The following ZNF10 variants were observed in gnomAD, a reference collection of about 807,000 sequenced individuals.
ZNF10 encodes the protein zinc finger protein 10, also known as zinc finger protein 10 (KOX 1).
In ZNF10, 8 loss-of-function variants were observed where a neutral mutation model predicts 12.2. The observed-to-expected ratio is 0.66, with a 90% CI of 0.39 to 1.18. ZNF10 has a LOEUF of 1.18. ZNF10 is among the 50% of genes most tolerant of loss of function. The pLI is 0.01. For synonymous variants in ZNF10, 229 were observed against 228.2 expected, an observed-to-expected ratio of 1.00 and a Z score of -0.03; for missense variants, 603 against 678.9, an observed-to-expected ratio of 0.89 and a Z score of 1.24.
rs745573862 is a variant in ZNF10, at chr12:133,156,121, C to T, written c.875C>T (p.Pro292Leu). The T allele has an allele frequency of 6.2e-7, 1 of 1,613,394 alleles. No individual in the cohort carries two copies. The highest frequency in any genetic ancestry group is 8.5e-7 in the Non-Finnish European group (1 of 1,180,022). Residue 292 changes from proline to leucine, a missense_variant, in exon 5 of 5, where the codon CCC becomes CTC. This residue lies in a region of ZNF10 where 393 missense variants were observed against 399.7 expected (regional missense o/e 0.98). Coordinates refer to ENST00000248211, the MANE Select transcript of ZNF10 (RefSeq NM_015394.5). ...CAGCTTATTCATACTGGAGAAAAAC[C>T]CTATGAGTGTAAAGAATGTGGAAAG... ...RHQLIHTGEK[P>L]YECKECGKSF...
intron 1 of ZNF10, among the ~76,000 whole-genome samples, chr12:133,132,268 A>AT (rs1396860241): frequency 2.8e-5 from 3 of 109,080 alleles, no homozygotes; most frequent in African/African-American, 4.1e-5. Context: ...AAAATCTGAG[A>AT]ATTTTTTTTT....
chr12:133,132,394 C>A (rs1422134893), intron 1 of ZNF10, among the ~76,000 whole-genome samples: 1 of 151,866 alleles, frequency 6.6e-6, no homozygotes, highest in Non-Finnish European at 1.5e-5. Flanking sequence ...CTCAACCTCC[C>A]TAGTAGCTGG....
intron 1 of ZNF10, among the ~76,000 whole-genome samples, chr12:133,132,724 G>A (rs577843492): frequency 1.3e-5 from 2 of 152,230 alleles, no homozygotes; most frequent in African/African-American, 2.4e-5. Context: ...TCTTTGACTC[G>A]TAATGAACAT....
At chr12:133,133,696 C>T (rs1426158757) in intron 1 of ZNF10, among the ~76,000 whole-genome samples, 1 of 152,096 alleles carries the variant, frequency 6.6e-6, no homozygotes, top group Non-Finnish European at 1.5e-5. Context: ...TGAAAAGGGT[C>T]CAGAACGTTG....
Position 133,156,141 on chromosome 12 carries a change from G to C in ZNF10, c.895G>C (p.Gly299Arg). Reference protein sequence around the residue: ...GEKPYECKECGKSFSRSSHLI... With the variant: ...GEKPYECKECRKSFSRSSHLI... ...AAAACCCTATGAGTGTAAAGAATGT[G>C]GAAAGTCTTTCAGCCGGAGTTCTCA... The change falls in exon 5 of 5, where the codon GGA becomes CGA. Residue 299 changes from glycine (G) to arginine (R), a missense_variant. Gly to Arg is a moderately radical substitution (Grantham distance 125). Transcript: ENST00000248211. The C allele has an allele frequency of 1.2e-6, 2 of 1,613,562 alleles. No homozygotes were observed. The highest frequency in any genetic ancestry group is 4.5e-5 in the East Asian group (2 of 44,880).
At position 133,156,001 on chromosome 12, in the gene ZNF10, C is replaced by T. The variant is rs1956038312; in HGVS notation, c.755C>T (p.Ser252Phe). ...GACAACTCTCTTACTCATGGTTCAT[C>T]TCTTGGTATATCAAAGGGCATACAT... ...DNDNSLTHGS[S>F]LGISKGIHRE... is the part of the protein sequence containing the mutation. The change falls in exon 5 of 5, where the codon TCT (serine) becomes TTT (phenylalanine). Residue 252 changes from serine to phenylalanine, a missense_variant. Transcript: ENST00000248211. 6.2e-7 allele frequency: 1 copy of T among 1,613,932 alleles called. No homozygotes were observed. Among genetic ancestry groups the T allele is most frequent in the East Asian group, 2.2e-5 (1 of 44,866 alleles).
rs1956058679 is a variant in ZNF10, at chr12:133,159,168, ATATTAC to A, written c.*2205_*2210del. The A allele has an allele frequency of 6.6e-6, 1 of 152,260 alleles. No homozygotes were observed. The highest frequency in any genetic ancestry group is 6.5e-5 in the Admixed American group (1 of 15,288). 9.4% of individuals were successfully genotyped at this position (152,260 alleles called of 1,614,324 possible). A position where few individuals can be genotyped will look rare whatever the true frequency, so the allele number is the denominator to read the frequency against. ...TGGCACATAGTAGGTGCCATTAATA[ATATTAC>A]TATTGTTAACACCTTAAGGGTCTAA... On this transcript the variant is annotated 3_prime_UTR_variant, in exon 5 of 5. Coordinates refer to ENST00000248211, the MANE Select transcript of ZNF10 (RefSeq NM_015394.5).
chr12:133,137,216 C>T (rs1380307180), intron 1 of ZNF10, among the ~76,000 whole-genome samples: 1 of 152,152 alleles, frequency 6.6e-6, no homozygotes, highest in Non-Finnish European at 1.5e-5. Context: ...TAGCCTACTA[C>T]CTGGTTTTTT....
chr12:133,153,918 T>G (rs1956023550), intron 4 of ZNF10, among the ~76,000 whole-genome samples: 1 of 152,148 alleles, frequency 6.6e-6, no homozygotes, highest in Admixed American at 6.5e-5. Context: ...ATCATTCCAG[T>G]CTTGGTCTCC....
intron 4 of ZNF10, among the ~76,000 whole-genome samples, chr12:133,152,567 C>T (rs1176299692): frequency 6.6e-6 from 1 of 152,116 alleles, no homozygotes; most frequent in Non-Finnish European, 1.5e-5. Context: ...AGGCATGCAC[C>T]ACCACGCCCA....
At chr12:133,154,608 G>A (rs992064868) in intron 4 of ZNF10, among the ~76,000 whole-genome samples, 4 of 152,124 alleles carry the variant, frequency 2.6e-5, no homozygotes, top group African/African-American at 9.7e-5. Flanking sequence ...ACCACTAGTC[G>A]TAATATAAAA....
intron 4 of ZNF10, among the ~76,000 whole-genome samples, chr12:133,154,118 G>C (rs1253920377): frequency 4.0e-5 from 6 of 150,528 alleles, no homozygotes; most frequent in Admixed American, 3.3e-4. Context: ...CTTTTTGTCG[G>C]CGGGGGGGAT....
intron 1 of ZNF10, among the ~76,000 whole-genome samples, chr12:133,142,145 G>A (rs530679217): frequency 8.5e-5 from 13 of 152,250 alleles, no homozygotes; most frequent in African/African-American, 2.2e-4. Context: ...GAAACAGGCC[G>A]GGCGCGGTGG....
intron 1 of ZNF10, among the ~76,000 whole-genome samples, chr12:133,131,428 G>C (rs866974539): frequency 6.6e-6 from 1 of 151,722 alleles, no homozygotes; most frequent in African/African-American, 2.4e-5. Flanking sequence ...GTATGCAGAA[G>C]GTGAACAATT....
chr12:133,140,831 A>G (rs1955940796), intron 1 of ZNF10, among the ~76,000 whole-genome samples: 1 of 151,962 alleles, frequency 6.6e-6, no homozygotes, highest in Admixed American at 6.6e-5. Context: ...AGTTTTATGC[A>G]TGGTCCCATA....
In ZNF10 at chr12:133,158,408, C is replaced by T. The variant is rs1185169252; in HGVS notation, c.*1440C>T. The stretch of plus-strand genomic sequence containing the variant: ...TTTTGCCTAAATCAGAACTCAACAG[C>T]CTGGGAAAATCACTGACAAATAGTG... On this transcript the variant is annotated 3_prime_UTR_variant, in exon 5 of 5. Transcript: ENST00000248211. 8 of 152,150 alleles carry T rather than the reference C, an allele frequency of 5.3e-5. No homozygotes were observed. The highest frequency in any genetic ancestry group is 1.9e-4 in the African/African-American group (8 of 41,432). The allele number at this position is 152,150 out of a possible 1,614,324, so 9.4% of individuals were successfully genotyped here. A position where few individuals can be genotyped will look rare whatever the true frequency, so the allele number is the denominator to read the frequency against.
chr12:133,153,232 A>T (rs2135464487), intron 4 of ZNF10, among the ~76,000 whole-genome samples: 1 of 152,252 alleles, frequency 6.6e-6, no homozygotes, highest in South Asian at 2.1e-4. Flanking sequence ...AGTTTTACAG[A>T]ATCTACAAGG....
intron 1 of ZNF10, among the ~76,000 whole-genome samples, chr12:133,132,694 C>T (rs1255238807): frequency 6.6e-6 from 1 of 152,168 alleles, no homozygotes; most frequent in Non-Finnish European, 1.5e-5. Flanking sequence ...ATATAGGCCA[C>T]CTTTGTCTGT....
At chr12:133,140,231 AG>A (rs1377768700) in intron 1 of ZNF10, among the ~76,000 whole-genome samples, 24 of 146,932 alleles carry the variant, frequency 1.6e-4, no homozygotes, top group African/African-American at 5.5e-4. Flanking sequence ...AAAAAAAAAA[AG>A]CCAGGTGCAG....
Sources: gnomAD v4.1 joint callset for allele counts (sites outside exome capture counted in the v4.1 genomes callset) on GRCh38, gnomAD v4.1.1 for gene constraint, gnomAD v4.1.1 regional missense constraint, MANE v1.5 for transcripts, NCBI Gene and HGNC (gene_info 2026-07-23, HGNC 2026-07-21) for gene names.